CHD7: variants seen among roughly 807,000 people sequenced by gnomAD.
The protein encoded by CHD7 is chromodomain helicase DNA binding protein 7.
A neutral mutation model predicts 307.3 loss-of-function variants in CHD7; 24 were observed. The ratio of observed to expected loss-of-function variants is 0.08; its 90% CI spans 0.06 to 0.11. The LOEUF (loss-of-function observed/expected upper bound fraction) is 0.11, where lower values mean the gene tolerates loss of function less well. CHD7 is among the 10% of genes least tolerant of loss of function. The pLI is 1.00. For missense variants in CHD7, 3,106 were observed against 3,727.1 expected, an observed-to-expected ratio of 0.83 and a Z score of 4.34; for synonymous variants, 1,363 against 1,349.9, an observed-to-expected ratio of 1.01 and a Z score of -0.21.
intron 1 of CHD7, among the ~76,000 whole-genome samples, chr8:60,721,975 G>T (rs11989002): frequency 1.3e-5 from 2 of 152,074 alleles, no homozygotes; most frequent in Admixed American, 6.5e-5. Flanking sequence ...GGTTGGGGTC[G>T]GGGATGTTGC....
At chr8:60,759,745 C>G (rs1371477343) in intron 2 of CHD7, among the ~76,000 whole-genome samples, 1 of 152,074 alleles carries the variant, frequency 6.6e-6, no homozygotes, top group African/African-American at 2.4e-5. Flanking sequence ...TAAAAATTCT[C>G]TTAGTGAAAA....
chr8:60,752,593 G>C (rs142247521), intron 2 of CHD7, among the ~76,000 whole-genome samples: 1 of 152,092 alleles, frequency 6.6e-6, no homozygotes, highest in Admixed American at 6.6e-5. Flanking sequence ...GTATCTAAAT[G>C]TGCTCTTTAA....
intron 12 of CHD7, among the ~76,000 whole-genome samples, chr8:60,823,402 G>A (rs984442840): frequency 1.0e-3 from 93 of 89,698 alleles, no homozygotes; most frequent in African/African-American, 3.8e-3. Context: ...TATATAGATA[G>A]ATAGATAGAT....
At chr8:60,695,620 A>G (rs1366204486) in intron 1 of CHD7, among the ~76,000 whole-genome samples, 3 of 152,256 alleles carry the variant, frequency 2.0e-5, no homozygotes, top group Admixed American at 1.3e-4. Context: ...AAAAAGGCGC[A>G]TCAGCATGTT....
At chr8:60,753,374 G>T (rs1809732453) in intron 2 of CHD7, among the ~76,000 whole-genome samples, 3 of 152,208 alleles carry the variant, frequency 2.0e-5, no homozygotes, top group East Asian at 1.9e-4. Context: ...GAAAATCATG[G>T]TAGAAGACTT....
At chr8:60,814,010 G>A (rs1376958288) in intron 7 of CHD7, among the ~76,000 whole-genome samples, 1 of 151,932 alleles carries the variant, frequency 6.6e-6, no homozygotes, top group Non-Finnish European at 1.5e-5. Context: ...TATCTGTAGG[G>A]CCTAGTTCAG....
chr8:60,701,797 T>C (rs560654411), intron 1 of CHD7, among the ~76,000 whole-genome samples: 2 of 152,362 alleles, frequency 1.3e-5, no homozygotes, highest in South Asian at 4.1e-4. Context: ...TCTTGAAAAG[T>C]TTATCCTGCA....
chr8:60,755,725 A>G (rs1459133884), intron 2 of CHD7, among the ~76,000 whole-genome samples: 1 of 152,180 alleles, frequency 6.6e-6, no homozygotes, highest in East Asian at 1.9e-4. Flanking sequence ...CCTGAATTTT[A>G]TACTATAGAG....
intron 1 of CHD7, among the ~76,000 whole-genome samples, chr8:60,733,802 A>G (rs1808575002): frequency 6.6e-6 from 1 of 152,038 alleles, no homozygotes; most frequent in African/African-American, 2.4e-5. Flanking sequence ...CATAAAGGCT[A>G]CTCAGAATAT....
intron 1 of CHD7, among the ~76,000 whole-genome samples, chr8:60,700,763 C>T (rs1231711622): frequency 6.6e-6 from 1 of 152,190 alleles, no homozygotes; most frequent in South Asian, 2.1e-4. Context: ...AATTTAGACT[C>T]CTCACTGTAC....
chr8:60,771,017 C>A (rs114909106), intron 2 of CHD7, among the ~76,000 whole-genome samples: 81 of 152,320 alleles, frequency 5.3e-4, no homozygotes, highest in African/African-American at 1.9e-3. Flanking sequence ...AATTTCTTAA[C>A]CTCTTTGAAT....
intron 4 of CHD7, among the ~76,000 whole-genome samples, chr8:60,797,334 C>T (rs1812080031): frequency 6.6e-6 from 1 of 152,146 alleles, no homozygotes; most frequent in Non-Finnish European, 1.5e-5. Context: ...GAAGTGACCT[C>T]GTATCCACTG....
At chr8:60,784,372 A>G (rs1056842763) in intron 3 of CHD7, among the ~76,000 whole-genome samples, 1 of 152,222 alleles carries the variant, frequency 6.6e-6, no homozygotes, top group African/African-American at 2.4e-5. Flanking sequence ...GAATAAACAG[A>G]ACCGAAATGA....
chr8:60,846,157 A>T (rs561580313), intron 23 of CHD7, among the ~76,000 whole-genome samples: 1 of 152,312 alleles, frequency 6.6e-6, no homozygotes, highest in East Asian at 1.9e-4. Flanking sequence ...TAATGGTGCT[A>T]TGAACATTGT....
intron 2 of CHD7, among the ~76,000 whole-genome samples, chr8:60,755,447 T>G (rs1181280782): frequency 6.6e-6 from 1 of 152,120 alleles, no homozygotes; most frequent in Non-Finnish European, 1.5e-5. Context: ...AGTGGTTCTG[T>G]CTTTGCTCAA....
Position 60,743,032 on chromosome 8 carries a change from C to T in CHD7, c.1600C>T (p.His534Tyr). ...HHQSSPPHPH[H>Y]QPWAQLHPSP... ...CCAGTCTTCACCTCCACACCCTCAT[C>T]ACCAGCCTTGGGCACAGCTCCACCC... is the stretch of plus-strand genomic sequence containing the variant. Residue 534 changes from histidine to tyrosine, a missense_variant, in exon 2 of 38, where the codon CAC (histidine) becomes TAC (tyrosine). By Grantham distance (83) the His-to-Tyr change is moderately conservative (BLOSUM62 2). Around this residue, in one of 10 missense-constraint regions of CHD7, gnomAD observed 998 missense variants for 1,004.5 expected, o/e 0.99. Coordinates refer to ENST00000423902, the MANE Select transcript of CHD7 (RefSeq NM_017780.4). 4 of 1,614,028 alleles carry T rather than the reference C, an allele frequency of 2.5e-6. No homozygotes were observed. Among genetic ancestry groups the T allele is most frequent in the Non-Finnish European group, 3.4e-6 (4 of 1,179,890 alleles).
At chr8:60,807,609 T>G (rs948574769) in intron 6 of CHD7, among the ~76,000 whole-genome samples, 1 of 152,256 alleles carries the variant, frequency 6.6e-6, no homozygotes, top group East Asian at 1.9e-4. Flanking sequence ...TTGGCTGCTA[T>G]GTGTGTGAGA....
Position 60,750,745 on chromosome 8 carries a change from T to G in CHD7, c.1665+7648T>G, listed in dbSNP as rs1316445002. On this transcript the variant is annotated intron_variant, in intron 2 of 37. Transcript: ENST00000423902. ...CAGTTGCTCAGTGACCACACATGGC[T>G]GGTGGCTGCATATTAAACAGCACAT... 2.6e-5 allele frequency among the ~76,000 whole-genome samples: 4 copies of G among 152,314 alleles called. No homozygotes were observed. In the East Asian group the frequency reaches 5.8e-4, roughly 22 times the overall value.
intron 1 of CHD7, among the ~76,000 whole-genome samples, chr8:60,684,555 C>G (rs1805788685): frequency 6.6e-6 from 1 of 151,908 alleles, no homozygotes; most frequent in African/African-American, 2.4e-5. Flanking sequence ...GGGGTATTAC[C>G]CCTTAGGAAG....
Sources: gnomAD v4.1 joint callset for allele counts (sites outside exome capture counted in the v4.1 genomes callset) on GRCh38, gnomAD v4.1.1 for gene constraint, gnomAD v4.1.1 regional missense constraint, MANE v1.5 for transcripts, NCBI Gene and HGNC (gene_info 2026-07-23, HGNC 2026-07-21) for gene names.